Variants in GRAMD1B observed in about 807,000 individuals in gnomAD.
The protein encoded by GRAMD1B is protein Aster-B.
A neutral mutation model predicts 99.7 loss-of-function variants in GRAMD1B; 37 were observed. That is an observed-to-expected ratio of 0.37 (90% CI 0.29 to 0.49). The LOEUF is 0.49. Among genes scored for constraint, GRAMD1B ranks in the 20% least tolerant of loss-of-function variants. GRAMD1B has a pLI of 0.98. For missense variants in GRAMD1B, 888 were observed against 1,009.2 expected, an observed-to-expected ratio of 0.88 and a Z score of 1.63; for synonymous variants, 427 against 387.6, an observed-to-expected ratio of 1.10 and a Z score of -1.19.
rs374179965 is a variant in GRAMD1B, at chr11:123,526,116, G to T, written c.452+45223G>T. 1.8e-4 allele frequency: 291 copies of T among 1,608,110 alleles called. 3 individuals carry two copies. The South Asian group carries it at 3.1e-3, about 17-fold the overall frequency. Reference sequence around the variant, plus strand: ...TCCGGAGCTGTAACGGGGATGCTAAGGACACGGTCAGTGGATTATCGTGAC... The same window carrying T: ...TCCGGAGCTGTAACGGGGATGCTAATGACACGGTCAGTGGATTATCGTGAC... On this transcript the variant is annotated intron_variant, in intron 2 of 19. Transcript: ENST00000635736.
chr11:123,445,752 G>T (rs1375928187), intron 1 of GRAMD1B, among the ~76,000 whole-genome samples: 3 of 146,396 alleles, frequency 2.0e-5, no homozygotes, highest in African/African-American at 7.6e-5. Flanking sequence ...CTGGGAGGCA[G>T]AGGTTGCAGT....
At chr11:123,614,122 C>T (rs1442737313) in intron 16 of GRAMD1B, among the ~76,000 whole-genome samples, 1 of 152,160 alleles carries the variant, frequency 6.6e-6, no homozygotes, top group Non-Finnish European at 1.5e-5. Context: ...TCTTCCTCTT[C>T]CCACCCAGCC....
chr11:123,533,392 A>C (rs933626141), intron 2 of GRAMD1B, among the ~76,000 whole-genome samples: 2 of 152,064 alleles, frequency 1.3e-5, no homozygotes, highest in African/African-American at 4.8e-5. Context: ...TCTAACATTT[A>C]ATTCACTCTA....
chr11:123,558,616 C>A (rs1946397157), intron 2 of GRAMD1B, among the ~76,000 whole-genome samples: 1 of 152,210 alleles, frequency 6.6e-6, no homozygotes, highest in Non-Finnish European at 1.5e-5. Flanking sequence ...GGTTTCAGAT[C>A]TGACTCTAGT....
At chr11:123,534,339 G>A (rs2673328) in intron 2 of GRAMD1B, among the ~76,000 whole-genome samples, 137,103 of 152,240 alleles carry the variant, frequency 0.9, 61,858 homozygotes, top group East Asian at 1. Flanking sequence ...GGAGAAAGAG[G>A]AGGGGTTGGT....
At chr11:123,614,546 G>A (rs968557499) in intron 16 of GRAMD1B, among the ~76,000 whole-genome samples, 199 bp from the exon 17 acceptor site, 14 of 152,150 alleles carry the variant, frequency 9.2e-5, no homozygotes, top group Admixed American at 7.2e-4. Context: ...ATGATGACCT[G>A]ACCCAACCCA....
intron 17 of GRAMD1B, chr11:123,618,257 T>C (rs1321283151): frequency 2.8e-6 from 3 of 1,084,166 alleles, no homozygotes; most frequent in East Asian, 2.4e-5. Flanking sequence ...CACTCCCAGG[T>C]TGATTTTCAG....
At chr11:123,540,353 T>G (rs1241286619) in intron 2 of GRAMD1B, among the ~76,000 whole-genome samples, 1 of 152,224 alleles carries the variant, frequency 6.6e-6, no homozygotes, top group Non-Finnish European at 1.5e-5. Context: ...CAGTTGGGAT[T>G]ACAAGCATGA....
At chr11:123,504,728 C>T (rs1397840921) in intron 2 of GRAMD1B, among the ~76,000 whole-genome samples, 1 of 152,158 alleles carries the variant, frequency 6.6e-6, no homozygotes, top group African/African-American at 2.4e-5. Flanking sequence ...GTTGCTCAAC[C>T]TGGAGTGCCA....
At chr11:123,464,671 A>G (rs1351175744) in intron 1 of GRAMD1B, among the ~76,000 whole-genome samples, 1 of 152,322 alleles carries the variant, frequency 6.6e-6, no homozygotes, top group East Asian at 1.9e-4. Flanking sequence ...TTCTTTTCTT[A>G]AAAAGTTTCC....
At chr11:123,401,632 G>T (rs1274773370) in intron 1 of GRAMD1B, among the ~76,000 whole-genome samples, 1 of 152,236 alleles carries the variant, frequency 6.6e-6, no homozygotes, top group Non-Finnish European at 1.5e-5. Context: ...TTTGGGGAAA[G>T]CCAGGTTTAA....
At chr11:123,380,628 A>C (rs1221186091) in intron 1 of GRAMD1B, among the ~76,000 whole-genome samples, 1 of 152,166 alleles carries the variant, frequency 6.6e-6, no homozygotes. Context: ...TTAGGTGATA[A>C]AGAGAATAGG....
chr11:123,605,354 A>C lies in GRAMD1B; in HGVS notation c.1199A>C (p.Glu400Ala). ...GAAGAGATCCCTGTGGAAGAGAATGAAGTGAATGACAGCTCATCCAAGAGC... is the reference window on the plus strand; with the variant it reads ...GAAGAGATCCCTGTGGAAGAGAATGCAGTGAATGACAGCTCATCCAAGAGC... The part of the protein sequence containing the change: ...YCEEIPVEEN[E>A]VNDSSSKSSI... The change falls in exon 10 of 20, where the codon GAA (glutamate) becomes GCA (alanine). Residue 400 changes from glutamate to alanine, a missense_variant. Glu to Ala is a moderately radical substitution (Grantham distance 107). Coordinates refer to ENST00000635736, the MANE Select transcript of GRAMD1B (RefSeq NM_001387025.1). 6.2e-7 allele frequency: 1 copy of C among 1,612,536 alleles called. No individual in the cohort carries two copies. Among genetic ancestry groups the C allele is most frequent in the Non-Finnish European group, 8.5e-7 (1 of 1,178,992 alleles).
chr11:123,538,722 C>T (rs754180385), intron 2 of GRAMD1B, among the ~76,000 whole-genome samples: 3 of 151,904 alleles, frequency 2.0e-5, no homozygotes, highest in Admixed American at 6.6e-5. Flanking sequence ...CGGGTTCAAG[C>T]GATCCTCCCA....
chr11:123,596,090 T>C lies in GRAMD1B; in HGVS notation c.969+53T>C. On this transcript the variant is annotated intron_variant, in intron 7 of 19. Transcript: ENST00000635736. ...TAATCCTCCCTTACTCCTCCTACTC[T>C]TGTATTTCTGCCCTTTCTTGAATCG... is the stretch of plus-strand genomic sequence containing the variant. 4.2e-6 allele frequency: 4 copies of C among 952,580 alleles called. No homozygotes were observed. The South Asian group carries it at 4.4e-5, about 10-fold the overall frequency. 59.0% of individuals were successfully genotyped at this position (952,580 alleles called of 1,614,324 possible).
At chr11:123,538,163 AT>A (rs1354207970) in intron 2 of GRAMD1B, among the ~76,000 whole-genome samples, 2 of 151,684 alleles carry the variant, frequency 1.3e-5, no homozygotes, top group African/African-American at 4.8e-5. Context: ...ACTATCTCCC[AT>A]CCAACCTCCT....
chr11:123,531,863 G>A (rs748579159), intron 2 of GRAMD1B, among the ~76,000 whole-genome samples: 7 of 149,674 alleles, frequency 4.7e-5, no homozygotes, highest in Non-Finnish European at 8.8e-5. Context: ...AGCCTCCCAA[G>A]TAGCTGGGAT....
chr11:123,543,251 GCTTT>G (rs1427166000), intron 2 of GRAMD1B, among the ~76,000 whole-genome samples: 2 of 152,160 alleles, frequency 1.3e-5, no homozygotes, highest in Non-Finnish European at 2.9e-5. Flanking sequence ...TGAAATGCTT[GCTTT>G]CTAAGATTTA....
intron 1 of GRAMD1B, among the ~76,000 whole-genome samples, chr11:123,434,524 C>T (rs1201703775): frequency 6.6e-6 from 1 of 152,130 alleles, no homozygotes; most frequent in Admixed American, 6.6e-5. Flanking sequence ...TGTGGTAGCT[C>T]ATGCCTGTAA....
Sources: allele counts gnomAD v4.1 joint callset (sites outside exome capture counted in the v4.1 genomes callset), GRCh38; gene constraint gnomAD v4.1.1; transcripts MANE v1.5; gene names NCBI Gene and HGNC (gene_info 2026-07-23, HGNC 2026-07-21).